PTPRJ: variants seen among roughly 807,000 people sequenced by gnomAD.
The protein encoded by PTPRJ is protein tyrosine phosphatase receptor type J, also known as receptor-type tyrosine-protein phosphatase eta.
In PTPRJ, 129 loss-of-function variants were observed where a neutral mutation model predicts 141.3. That is an observed-to-expected ratio of 0.91 (90% confidence interval 0.79 to 1.06). The LOEUF (loss-of-function observed/expected upper bound fraction) is 1.06. Among genes scored for constraint, PTPRJ ranks in the 50% least tolerant of loss-of-function variants. PTPRJ has a pLI of 0.00. For missense variants in PTPRJ, 1,601 were observed against 1,679.7 expected (o/e 0.95, Z 0.82); for synonymous variants, 610 against 640.5 (o/e 0.95, Z 0.72).
At chr11:48,132,820 G>A in intron 8 of PTPRJ, 1 of 675,882 alleles carries the variant, frequency 1.5e-6, no homozygotes, top group Non-Finnish European at 1.8e-6. Flanking sequence ...AGCACCGATA[G>A]TCACTCAGAG....
chr11:48,154,991 A>G (rs1857567768), intron 19 of PTPRJ, among the ~76,000 whole-genome samples: 2 of 152,198 alleles, frequency 1.3e-5, no homozygotes, highest in African/African-American at 4.8e-5. Context: ...TATTTTGTCC[A>G]GAGGAGGGTG....
chr11:48,075,726 C>G (rs1482041880), intron 1 of PTPRJ, among the ~76,000 whole-genome samples: 2 of 152,198 alleles, frequency 1.3e-5, no homozygotes, highest in Non-Finnish European at 1.5e-5. Flanking sequence ...GGCCACCACA[C>G]CTGTCCTGTG....
intron 1 of PTPRJ, among the ~76,000 whole-genome samples, chr11:47,990,596 G>C (rs1156341933): frequency 6.6e-6 from 1 of 151,476 alleles, no homozygotes; most frequent in African/African-American, 2.4e-5. Flanking sequence ...AGTTTTAGTA[G>C]TGACAGGGTT....
intron 2 of PTPRJ, among the ~76,000 whole-genome samples, chr11:48,111,796 G>A (rs1223516143): frequency 6.6e-6 from 1 of 152,146 alleles, no homozygotes; most frequent in Non-Finnish European, 1.5e-5. Context: ...GCTGTAATAA[G>A]ATCAAGGTCT....
At chr11:48,016,486 G>C (rs1319148174) in intron 1 of PTPRJ, among the ~76,000 whole-genome samples, 1 of 152,220 alleles carries the variant, frequency 6.6e-6, no homozygotes, top group African/African-American at 2.4e-5. Flanking sequence ...TGAACCCACG[G>C]TACCTTCTGC....
At chr11:48,060,547 G>A (rs1196303272) in intron 1 of PTPRJ, among the ~76,000 whole-genome samples, 2 of 152,140 alleles carry the variant, frequency 1.3e-5, no homozygotes, top group Non-Finnish European at 2.9e-5. Flanking sequence ...TGAAGAAGTC[G>A]GAAGCCAGTG....
intron 1 of PTPRJ, among the ~76,000 whole-genome samples, chr11:48,030,136 G>A (rs1565266092): frequency 6.6e-6 from 1 of 152,200 alleles, no homozygotes; most frequent in Non-Finnish European, 1.5e-5. Context: ...CAGATGTTTT[G>A]TCTTTTATGG....
At chr11:48,052,339 G>A (rs939936245) in intron 1 of PTPRJ, among the ~76,000 whole-genome samples, 2 of 152,220 alleles carry the variant, frequency 1.3e-5, no homozygotes, top group Non-Finnish European at 1.5e-5. Context: ...CTTGCAGCAG[G>A]CATTGCCTCT....
In PTPRJ at chr11:48,127,925, C is replaced by T. The variant is rs760065255; in HGVS notation, c.1239C>T (p.Asn413=). 43 of 1,614,048 alleles carry T rather than the reference C, an allele frequency of 2.7e-5. No homozygotes were observed. Among genetic ancestry groups the T allele is most frequent in the African/African-American group, 1.2e-4 (9 of 74,924 alleles). ...VAGETDSSNL[N]VSEPRAVIPG... ...GGGAGACAGATTCTTCCAATCTCAA[C>T]GTCAGTGAGCCTCGCGCTGTCATCC... The change falls in exon 7 of 25, where the codon AAC becomes AAT. Residue 413 remains asparagine, a synonymous_variant. Transcript: ENST00000418331.
intron 1 of PTPRJ, among the ~76,000 whole-genome samples, chr11:47,982,697 A>T (rs936009924): frequency 2.6e-5 from 4 of 151,008 alleles, no homozygotes; most frequent in African/African-American, 9.7e-5. Context: ...TATATATATA[A>T]AATTTATTTA....
chr11:48,152,153 A>C (rs1379699489), intron 18 of PTPRJ, among the ~76,000 whole-genome samples: 1 of 152,126 alleles, frequency 6.6e-6, no homozygotes, highest in Non-Finnish European at 1.5e-5. Context: ...CTGGTGTGAG[A>C]TGCTATCTCA....
intron 1 of PTPRJ, among the ~76,000 whole-genome samples, chr11:47,981,914 G>T (rs528604749): frequency 6.6e-6 from 1 of 152,346 alleles, no homozygotes; most frequent in East Asian, 1.9e-4. Flanking sequence ...GCCTGTTGGG[G>T]TTTGAACCCG....
chr11:48,154,583 G>A (rs1857558396), intron 19 of PTPRJ, among the ~76,000 whole-genome samples: 2 of 152,172 alleles, frequency 1.3e-5, no homozygotes, highest in Admixed American at 1.3e-4. Context: ...GCAGATTGTA[G>A]CCATGTTCTG....
chr11:48,138,791 A>C (rs1174877581), intron 10 of PTPRJ, among the ~76,000 whole-genome samples: 4 of 152,120 alleles, frequency 2.6e-5, no homozygotes, highest in Non-Finnish European at 5.9e-5. Context: ...GCCTCTGTGG[A>C]TTTATCTGCA....
At chr11:47,996,495 ATGGAAATC>A (rs1854341136) in intron 1 of PTPRJ, among the ~76,000 whole-genome samples, 2 of 152,276 alleles carry the variant, frequency 1.3e-5, no homozygotes, top group South Asian at 4.1e-4. Flanking sequence ...CATCTGGAAA[ATGGAAATC>A]TGGAAATGTC....
In PTPRJ at chr11:48,136,133, C is replaced by A. The variant is rs757854221; in HGVS notation, c.1710C>A (p.Val570=). The A allele has an allele frequency of 5.0e-6, 8 of 1,614,076 alleles. No individual in the cohort carries two copies. In the South Asian group the frequency reaches 6.6e-5, roughly 13 times the overall value. ...WKSPDGASEY[V]YHLVIESKHG... ...GCCCTGACGGTGCTTCCGAGTATGT[C>A]TACCATTTAGTCATAGAGTCCAAGC... Residue 570 remains valine (V), a synonymous_variant, in exon 9 of 25, where the codon GTC becomes GTA. Coordinates refer to ENST00000418331, the MANE Select transcript of PTPRJ (RefSeq NM_002843.4).
intron 3 of PTPRJ, among the ~76,000 whole-genome samples, chr11:48,117,404 A>G (rs1298467681): frequency 6.6e-6 from 1 of 151,686 alleles, no homozygotes; most frequent in East Asian, 1.9e-4. Flanking sequence ...AGCTGGGTGT[A>G]GTGACACACA....
At chr11:48,137,974 A>G (rs1469946708) in intron 10 of PTPRJ, among the ~76,000 whole-genome samples, 1 of 152,236 alleles carries the variant, frequency 6.6e-6, no homozygotes, top group East Asian at 1.9e-4. Flanking sequence ...GCAGCCCAGG[A>G]AAGGCTTTGC....
At chr11:48,106,999 CCT>C (rs1856307707) in intron 1 of PTPRJ, among the ~76,000 whole-genome samples, 1 of 151,870 alleles carries the variant, frequency 6.6e-6, no homozygotes, top group African/African-American at 2.4e-5. Context: ...GAACTCCTGA[CCT>C]CAGGTGATCC....
Sources: allele counts gnomAD v4.1 joint callset (sites outside exome capture counted in the v4.1 genomes callset), GRCh38; gene constraint gnomAD v4.1.1; transcripts MANE v1.5; gene names NCBI Gene and HGNC (gene_info 2026-07-23, HGNC 2026-07-21).